Variants in AKAP13 observed in about 807,000 individuals in gnomAD.
AKAP13 encodes A-kinase anchoring protein 13, also known as A-kinase anchor protein 13.
Under a neutral mutation model 264.5 loss-of-function variants are expected in AKAP13, and 80 were observed. The observed-to-expected ratio is 0.30, with a 90% CI of 0.25 to 0.36. AKAP13 has a LOEUF of 0.36. AKAP13 is among the 10% of genes least tolerant of loss of function. AKAP13 has a pLI of 1.00. For synonymous variants in AKAP13, 1,380 were observed against 1,250.2 expected (o/e 1.10, Z -2.19); for missense variants, 3,712 against 3,435.2 (o/e 1.08, Z -2.01).
chr15:85,644,434 G>C (rs1222879332), intron 9 of AKAP13, among the ~76,000 whole-genome samples: 3 of 151,072 alleles, frequency 2.0e-5, no homozygotes, highest in Non-Finnish European at 3.0e-5. Flanking sequence ...TAGAGACGGG[G>C]TTTCACCATG....
chr15:85,539,635 G>T (rs2077518686), intron 4 of AKAP13, among the ~76,000 whole-genome samples: 1 of 152,182 alleles, frequency 6.6e-6, no homozygotes, highest in Non-Finnish European at 1.5e-5. Flanking sequence ...ATGCTTGAAT[G>T]CCTACTAGGC....
At chr15:85,399,345 A>C (rs1226708393) in intron 1 of AKAP13, among the ~76,000 whole-genome samples, 2 of 144,406 alleles carry the variant, frequency 1.4e-5, no homozygotes, top group South Asian at 4.4e-4. Context: ...AAATACAAAA[A>C]ATTAGCCGGG....
intron 1 of AKAP13, among the ~76,000 whole-genome samples, chr15:85,404,668 C>T (rs1415361319): frequency 6.6e-6 from 1 of 152,200 alleles, no homozygotes; most frequent in African/African-American, 2.4e-5. Flanking sequence ...CACACTGTTT[C>T]CTATCCTGGT....
At chr15:85,653,851 G>C (rs1054866344) in intron 10 of AKAP13, among the ~76,000 whole-genome samples, 14 of 152,142 alleles carry the variant, frequency 9.2e-5, no homozygotes, top group African/African-American at 3.1e-4. Context: ...ACATCTCTTA[G>C]ACACTTCTTT....
intron 1 of AKAP13, among the ~76,000 whole-genome samples, chr15:85,403,912 A>G (rs1250892875): frequency 2.6e-5 from 4 of 151,996 alleles, no homozygotes; most frequent in Non-Finnish European, 5.9e-5. Flanking sequence ...GGGACCTGGA[A>G]GCACAAGTAG....
intron 1 of AKAP13, among the ~76,000 whole-genome samples, chr15:85,436,945 C>T (rs1339848235): frequency 6.6e-6 from 1 of 151,448 alleles, no homozygotes; most frequent in Admixed American, 6.6e-5. Flanking sequence ...CAAAAGCTAG[C>T]AGAAGGCAAG....
Position 85,579,513 on chromosome 15 carries a change from T to C in AKAP13, c.1445T>C (p.Met482Thr). The C allele has an allele frequency of 6.2e-7, 1 of 1,614,116 alleles. No homozygotes were observed. The highest frequency in any genetic ancestry group is 1.1e-5 in the South Asian group (1 of 91,074). ...NVSTPDTAGEMEHGLMNPDAT... is the reference protein window; with the variant it reads ...NVSTPDTAGETEHGLMNPDAT... ...AGTACCCCAGACACTGCAGGGGAAA[T>C]GGAACATGGGCTCATGAACCCAGAT... The change falls in exon 7 of 37, where the codon ATG (methionine) becomes ACG (threonine). Residue 482 changes from methionine to threonine, a missense_variant. Physicochemically the swap from Met to Thr is moderately conservative, Grantham distance 81. Around this residue, in one of 3 missense-constraint regions of AKAP13, gnomAD observed 2,759 missense variants for 2,411.7 expected, o/e 1.14. Transcript: ENST00000394518.
intron 16 of AKAP13, among the ~76,000 whole-genome samples, chr15:85,687,019 A>G (rs556257730): frequency 4.6e-5 from 7 of 152,320 alleles, no homozygotes; most frequent in South Asian, 4.1e-4. Flanking sequence ...CATCTCCCCA[A>G]TGTCATGGAG....
intron 16 of AKAP13, chr15:85,689,949 G>A (rs4843092): frequency 0.19 from 28,587 of 152,286 alleles, 3,571 homozygotes; most frequent in Middle Eastern, 0.41. Flanking sequence ...ACTAATGGCA[G>A]CTCAAAGCTG....
rs761911240 is a variant in AKAP13, at chr15:85,579,348, C to G, written c.1280C>G (p.Thr427Arg). Residue 427 changes from threonine to arginine, a missense_variant, in exon 7 of 37, where the codon ACA becomes AGA. Coordinates refer to ENST00000394518, the MANE Select transcript of AKAP13 (RefSeq NM_007200.5). The part of the protein sequence containing the change: ...SCGNRNEETG[T>R]KSSGMPTDQE... Reference sequence around the variant, plus strand: ...GGAAACAGAAATGAAGAAACTGGAACAAAATCTTCTGGAATGCCCACAGAC... The same window carrying G: ...GGAAACAGAAATGAAGAAACTGGAAGAAAATCTTCTGGAATGCCCACAGAC... 40 of 1,614,178 alleles carry G rather than the reference C, an allele frequency of 2.5e-5. No individual in the cohort carries two copies. The highest frequency in any genetic ancestry group is 1.3e-4 in the Admixed American group (8 of 60,014).
intron 8 of AKAP13, chr15:85,619,455 C>T: frequency 1.8e-5 from 18 of 985,278 alleles, no homozygotes; most frequent in Non-Finnish European, 2.0e-5. Context: ...AGCCCTACTG[C>T]CTGGTGAGCA....
chr15:85,566,266 A>G (rs957839929), intron 5 of AKAP13, among the ~76,000 whole-genome samples: 2 of 152,242 alleles, frequency 1.3e-5, no homozygotes, highest in Non-Finnish European at 2.9e-5. Flanking sequence ...GGTACATAAG[A>G]TGATGGTGCC....
intron 19 of AKAP13, among the ~76,000 whole-genome samples, chr15:85,712,658 C>T (rs1350852823): frequency 6.6e-6 from 1 of 152,138 alleles, no homozygotes; most frequent in Non-Finnish European, 1.5e-5. Context: ...GTTCTCCTGC[C>T]TCAGCCTCCC....
At chr15:85,591,861 T>G (rs1341201191) in intron 8 of AKAP13, among the ~76,000 whole-genome samples, 1 of 152,178 alleles carries the variant, frequency 6.6e-6, no homozygotes, top group Non-Finnish European at 1.5e-5. Flanking sequence ...ATGGAACAGT[T>G]AATTCTACAA....
rs955778092 is a variant in AKAP13 at position 85,744,893 on chromosome 15, C to T, written c.*216C>T. 1.4e-5 allele frequency: 7 copies of T among 490,294 alleles called. No homozygotes were observed. The highest frequency in any genetic ancestry group is 7.6e-5 in the Admixed American group (2 of 26,248). The allele number at this position is 490,294 out of a possible 1,614,324, so 30.4% of individuals were successfully genotyped here. On this transcript the variant is annotated 3_prime_UTR_variant, in exon 37 of 37. Transcript: ENST00000394518. ...ACTCTGCTTCGGCCATGATTTGTGA[C>T]TGCCCAGGACTCTCAGGTTGGGCTG... is the stretch of plus-strand genomic sequence containing the variant.
intron 34 of AKAP13, 136 bp from the exon 35 acceptor site, chr15:85,740,910 G>C (rs2088926658): frequency 4.3e-6 from 6 of 1,402,476 alleles, no homozygotes; most frequent in Non-Finnish European, 5.7e-6. Flanking sequence ...ATTTTTATGA[G>C]ACGGGCTTGA....
intron 8 of AKAP13, among the ~76,000 whole-genome samples, chr15:85,596,371 C>T (rs191550392): frequency 2.2e-4 from 34 of 152,146 alleles, no homozygotes; most frequent in East Asian, 9.6e-4. Flanking sequence ...TTTGGGAGAT[C>T]GAAGCAGGTG....
At chr15:85,674,946 T>A (rs2084143092) in intron 14 of AKAP13, among the ~76,000 whole-genome samples, 1 of 152,142 alleles carries the variant, frequency 6.6e-6, no homozygotes, top group Non-Finnish European at 1.5e-5. Flanking sequence ...TAATCAGACT[T>A]CTTTTTGACA....
chr15:85,555,356 C>T (rs2078105963), intron 5 of AKAP13: 10 of 1,129,422 alleles, frequency 8.9e-6, no homozygotes, highest in African/African-American at 4.8e-5. Flanking sequence ...AGTTCCTTGT[C>T]AGAAGTAAAC....
Sources: allele counts gnomAD v4.1 joint callset (sites outside exome capture counted in the v4.1 genomes callset), GRCh38; gene constraint gnomAD v4.1.1; regional missense constraint gnomAD v4.1.1; transcripts MANE v1.5; gene names NCBI Gene and HGNC (gene_info 2026-07-23, HGNC 2026-07-21).